FEZ2: variants seen among roughly 807,000 people sequenced by gnomAD.
FEZ2 encodes fasciculation and elongation protein zeta-2.
In FEZ2, 51 loss-of-function variants were observed where a neutral mutation model predicts 40.4. That is an observed-to-expected ratio of 1.26 (90% CI 1.01 to 1.59). FEZ2 has a LOEUF of 1.59. Among genes scored for constraint, FEZ2 ranks in the 40% most tolerant of loss-of-function variants. The pLI, the probability that FEZ2 is intolerant of heterozygous loss-of-function variation, is 0.00. For missense variants in FEZ2, 640 were observed against 438.3 expected (o/e 1.46, Z -4.11); for synonymous variants, 242 against 172.0 (o/e 1.41, Z -3.18).
chr2:36,563,639 C>A (rs1304213872), intron 5 of FEZ2, among the ~76,000 whole-genome samples: 1 of 152,202 alleles, frequency 6.6e-6, no homozygotes, highest in Non-Finnish European at 1.5e-5. Flanking sequence ...CCCTCCACTG[C>A]ATTTCCAAAC....
chr2:36,573,854 G>A (rs1238731250), intron 5 of FEZ2, among the ~76,000 whole-genome samples: 1 of 152,214 alleles, frequency 6.6e-6, no homozygotes, highest in Non-Finnish European at 1.5e-5. Flanking sequence ...AATATCTCCT[G>A]TTGGCGGGAG....
At chr2:36,578,382 T>C (rs1668635975) in intron 5 of FEZ2, among the ~76,000 whole-genome samples, 2 of 152,220 alleles carry the variant, frequency 1.3e-5, no homozygotes, top group African/African-American at 4.8e-5. Context: ...CATTTCAGTA[T>C]TATTCAGATA....
At chr2:36,590,830 C>A in intron 2 of FEZ2, 73 bp downstream of exon 2, 1 of 898,398 alleles carries the variant, frequency 1.1e-6, no homozygotes, top group Non-Finnish European at 1.8e-6. Flanking sequence ...CTGTGTTAAG[C>A]AGAAATGCTA....
intron 1 of FEZ2, chr2:36,594,467 T>C: frequency 4.9e-6 from 1 of 204,870 alleles, no homozygotes; most frequent in Non-Finnish European, 9.5e-6. Context: ...AAAAGGCACT[T>C]CTTACATGGC....
chr2:36,571,478 TGGTG>T (rs1164059917), intron 5 of FEZ2, among the ~76,000 whole-genome samples: 17 of 151,872 alleles, frequency 1.1e-4, no homozygotes, highest in African/African-American at 4.1e-4. Context: ...CTGGCCAACT[TGGTG>T]AAACCCCATC....
At chr2:36,594,950 G>C (rs185429186) in intron 1 of FEZ2, among the ~76,000 whole-genome samples, 2 of 152,364 alleles carry the variant, frequency 1.3e-5, no homozygotes, top group Admixed American at 6.5e-5. Flanking sequence ...GGCAACTCTA[G>C]TGAAAGATTT....
chr2:36,569,056 T>A (rs879309578), intron 5 of FEZ2, among the ~76,000 whole-genome samples: 1 of 152,164 alleles, frequency 6.6e-6, no homozygotes, highest in African/African-American at 2.4e-5. Context: ...CACATCCTCA[T>A]TCCAATGCAT....
chr2:36,584,928 G>T (rs1035072624), intron 2 of FEZ2, among the ~76,000 whole-genome samples: 1 of 152,094 alleles, frequency 6.6e-6, no homozygotes, highest in African/African-American at 2.4e-5. Flanking sequence ...ACACTGCACG[G>T]TCCACCTACA....
chr2:36,578,224 G>A (rs1015500543), intron 5 of FEZ2, among the ~76,000 whole-genome samples: 9 of 152,132 alleles, frequency 5.9e-5, no homozygotes, highest in Non-Finnish European at 1.2e-4. Flanking sequence ...TAAGAGTTCA[G>A]CAAAAATAAG....
At chr2:36,592,889 A>C (rs1669110445) in intron 1 of FEZ2, among the ~76,000 whole-genome samples, 2 of 152,196 alleles carry the variant, frequency 1.3e-5, no homozygotes, top group African/African-American at 4.8e-5. Context: ...CTAGAGAACT[A>C]ACTCATCTAC....
At chr2:36,587,374 C>A (rs961818434) in intron 2 of FEZ2, among the ~76,000 whole-genome samples, 1 of 152,170 alleles carries the variant, frequency 6.6e-6, no homozygotes, top group African/African-American at 2.4e-5. Context: ...ATTAAATGTG[C>A]CTTCTCTTTG....
At chr2:36,573,571 G>C (rs1668480768) in intron 5 of FEZ2, among the ~76,000 whole-genome samples, 1 of 152,248 alleles carries the variant, frequency 6.6e-6, no homozygotes, top group Non-Finnish European at 1.5e-5. Flanking sequence ...CATGCATTAA[G>C]TGATGTGCGA....
intron 5 of FEZ2, among the ~76,000 whole-genome samples, chr2:36,560,479 T>C (rs1223915768): frequency 6.6e-6 from 1 of 152,200 alleles, no homozygotes; most frequent in African/African-American, 2.4e-5. Context: ...CAAGCAGATT[T>C]TCTACACATG....
At chr2:36,580,665 T>C (rs939560519) in intron 4 of FEZ2, among the ~76,000 whole-genome samples, 37 of 152,370 alleles carry the variant, frequency 2.4e-4, no homozygotes, top group African/African-American at 8.7e-4. Context: ...AAATAATTAC[T>C]GAATATCTAT....
intron 5 of FEZ2, among the ~76,000 whole-genome samples, chr2:36,573,652 G>C (rs1392351420): frequency 6.6e-6 from 1 of 152,248 alleles, no homozygotes; most frequent in Admixed American, 6.5e-5. Context: ...CACTCTGTTA[G>C]AAGAGAGGTT....
At chr2:36,586,632 A>C (rs949498641) in intron 2 of FEZ2, among the ~76,000 whole-genome samples, 2 of 151,758 alleles carry the variant, frequency 1.3e-5, no homozygotes, top group Non-Finnish European at 2.9e-5. Context: ...GTCTCAAAAA[A>C]AAAAAAAAAA....
intron 7 of FEZ2, among the ~76,000 whole-genome samples, chr2:36,554,638 A>AC (rs1038318454): frequency 2.6e-5 from 4 of 152,200 alleles, no homozygotes; most frequent in African/African-American, 9.6e-5. Context: ...ATGTCAACTC[A>AC]GTCTGTTCTA....
chr2:36,594,241 A>C (rs1252259331), intron 1 of FEZ2, among the ~76,000 whole-genome samples: 1 of 152,036 alleles, frequency 6.6e-6, no homozygotes, highest in African/African-American at 2.4e-5. Flanking sequence ...GAGCCCTTCA[A>C]ACTATTCCAA....
At chr2:36,583,217 A>C (rs2125237126) in intron 3 of FEZ2, 136 bp downstream of exon 3, 2 of 556,266 alleles carry the variant, frequency 3.6e-6, no homozygotes, top group African/African-American at 3.8e-5. Flanking sequence ...TGGAAGAGTT[A>C]ACTATTAAGC....
Sources: gnomAD v4.1 joint callset for allele counts (sites outside exome capture counted in the v4.1 genomes callset) on GRCh38, gnomAD v4.1.1 for gene constraint, MANE v1.5 for transcripts, NCBI Gene and HGNC (gene_info 2026-07-23, HGNC 2026-07-21) for gene names.